The following DYSF variants were observed in gnomAD, a reference collection of about 807,000 sequenced individuals.
DYSF encodes dystrophy-associated fer-1-like 1.
In DYSF, 212 loss-of-function variants were observed where a neutral mutation model predicts 274.9. That is an observed-to-expected ratio of 0.77 (90% confidence interval 0.69 to 0.86). DYSF has a LOEUF of 0.86. DYSF is among the 40% of genes least tolerant of loss of function. The probability of loss-of-function intolerance (pLI) is 0.00; values close to 1 mark genes in which losing one functional copy is unlikely to be tolerated. For missense variants in DYSF, 2,666 were observed against 2,783.2 expected (o/e 0.96, Z 0.95); for synonymous variants, 1,091 against 1,078.7 (o/e 1.01, Z -0.22).
chr2:71,669,548 T>C, intron 50 of DYSF, 57 bp from the exon 51 acceptor site: 1 of 1,607,372 alleles, frequency 6.2e-7, no homozygotes, highest in East Asian at 2.2e-5. Context: ...GTTGACGATG[T>C]ATATACTGTG....
chr2:71,579,771 C>G (rs745379222), intron 30 of DYSF, among the ~76,000 whole-genome samples: 3 of 152,126 alleles, frequency 2.0e-5, no homozygotes. Flanking sequence ...AATTTGATTC[C>G]CCAATCAGAC....
intron 1 of DYSF, among the ~76,000 whole-genome samples, chr2:71,478,086 T>C (rs1258011888): frequency 6.6e-6 from 1 of 151,686 alleles, no homozygotes; most frequent in African/African-American, 2.4e-5. Context: ...TATGTTAATA[T>C]TTATTGGGCT....
At chr2:71,605,537 G>A (rs900019011) in intron 36 of DYSF, among the ~76,000 whole-genome samples, 6 of 152,138 alleles carry the variant, frequency 3.9e-5, no homozygotes, top group Admixed American at 2.6e-4. Context: ...GGTGGGGAGG[G>A]GAGGGGGTGT....
chr2:71,541,606 G>C (rs950294120), intron 17 of DYSF, among the ~76,000 whole-genome samples: 2 of 150,686 alleles, frequency 1.3e-5, no homozygotes, highest in African/African-American at 4.9e-5. Flanking sequence ...TGATTTTATT[G>C]TTTCCTTCTT....
rs149971174 is a variant in DYSF, at chr2:71,668,893, G to A, written c.5546+51G>A. ...AGCTGGGCTGAGGGGTGGGGGCGTT[G>A]CAGCCTGCTGTGGGCGGGACTAGGC... On this transcript the variant is annotated intron_variant, in intron 49 of 55. Transcript: ENST00000410020. 3.9e-5 allele frequency: 62 copies of A among 1,570,692 alleles called. No individual in the cohort carries two copies. The Middle Eastern group carries it at 1.2e-3, about 29-fold the overall frequency.
chr2:71,520,857 T>C lies in DYSF; in HGVS notation c.1102T>C (p.Tyr368His). The C allele has an allele frequency of 6.2e-7, 1 of 1,614,162 alleles. No individual in the cohort carries two copies. The highest frequency in any genetic ancestry group is 2.2e-5 in the East Asian group (1 of 44,868). Residue 368 changes from tyrosine to histidine, a missense_variant, in exon 12 of 56, where the codon TAC becomes CAC. Tyr to His is a moderately conservative substitution (Grantham distance 83). Around this residue, in one of 3 missense-constraint regions of DYSF, gnomAD observed 794 missense variants for 777.1 expected, o/e 1.02. Transcript: ENST00000410020. ...PDDFSAGARG[Y>H]LKTSLCVLGP... ...TGACTTCTCTGCTGGGGCCAGAGGC[T>C]ACCTGAAAACAAGCCTTTGTGTGCT... is the stretch of plus-strand genomic sequence containing the variant.
intron 30 of DYSF, among the ~76,000 whole-genome samples, 180 bp from the exon 31 acceptor site, chr2:71,589,413 T>C (rs2093181108): frequency 6.6e-6 from 1 of 152,164 alleles, no homozygotes; most frequent in Non-Finnish European, 1.5e-5. Context: ...TGCTTTGACA[T>C]TGGAGTCTGG....
At chr2:71,674,092 T>A in intron 51 of DYSF, 105 bp from the exon 52 acceptor site, 1 of 981,734 alleles carries the variant, frequency 1.0e-6, no homozygotes. Flanking sequence ...CTTGGGGACA[T>A]CCTACTCCTC....
rs114489135 is a variant in DYSF at position 71,624,459 on chromosome 2, A to G, written c.4527+3850A>G. On this transcript the variant is annotated intron_variant, in intron 41 of 55. Coordinates refer to ENST00000410020, the MANE Select transcript of DYSF (RefSeq NM_001130987.2). ...TATCGGGGTTATACTAGTCCCTTAA[A>G]AGGCTTTTCAGGTGTACTTCTACTT... is the stretch of plus-strand genomic sequence containing the variant. Among the ~76,000 whole-genome samples, 602 of 152,308 alleles carry G rather than the reference A, an allele frequency of 4.0e-3. 2 individuals carry two copies. The highest frequency in any genetic ancestry group is 0.014 in the African/African-American group (585 of 41,576).
intron 1 of DYSF, among the ~76,000 whole-genome samples, chr2:71,458,573 C>T (rs1006088007): frequency 1.3e-5 from 2 of 152,192 alleles, no homozygotes; most frequent in Non-Finnish European, 2.9e-5. Context: ...GGTACTTTCT[C>T]TTTCTGGGAA....
chr2:71,513,301 A>T lies in DYSF; in HGVS notation c.522A>T (p.Arg174Ser). The T allele has an allele frequency of 6.4e-7, 1 of 1,551,506 alleles. No homozygotes were observed. Among genetic ancestry groups the T allele is most frequent in the Non-Finnish European group, 8.7e-7 (1 of 1,146,926 alleles). ...TCAGTGACAGCACCATGGACACGAG[A>T]TACTCTGGAAAGAAGTGGCCGGCCC... is the stretch of plus-strand genomic sequence containing the variant. Reference protein sequence around the residue: ...SLLSDSTMDTRYSGKKWPAPT... With the variant: ...SLLSDSTMDTSYSGKKWPAPT... The change falls in exon 6 of 56, where the codon AGA becomes AGT. Residue 174 changes from arginine to serine, a missense_variant. By Grantham distance (110) the Arg-to-Ser change is moderately radical. Coordinates refer to ENST00000410020, the MANE Select transcript of DYSF (RefSeq NM_001130987.2).
chr2:71,535,434 G>C (rs2152761537), intron 16 of DYSF, 123 bp downstream of exon 16: 1 of 1,057,858 alleles, frequency 9.5e-7, no homozygotes, highest in Admixed American at 1.7e-5. Context: ...GTGAGGTAAT[G>C]TCCCCTTGGG....
chr2:71,516,603 T>G (rs1361995230), intron 9 of DYSF, among the ~76,000 whole-genome samples: 1 of 152,184 alleles, frequency 6.6e-6, no homozygotes, highest in East Asian at 1.9e-4. Context: ...TCCATCTTAT[T>G]TTGTTAATCC....
chr2:71,655,776 TTTAAAAAATGTACTGCCCATG>T (rs2094756345), intron 42 of DYSF, among the ~76,000 whole-genome samples: 2 of 152,246 alleles, frequency 1.3e-5, no homozygotes, highest in South Asian at 4.1e-4. Flanking sequence ...ATCTTGTTCT[TTTAAAAAATGTACTGCCCATG>T]TCTCTGATGA....
chr2:71,519,811 G>GTTTTTT (rs70959241), intron 10 of DYSF, among the ~76,000 whole-genome samples: 232 of 102,262 alleles, frequency 2.3e-3, no homozygotes, highest in Non-Finnish European at 2.9e-3. Context: ...CACCCGGCTA[G>GTTTTTT]TTTTTTTTTT....
chr2:71,470,249 C>G (rs923618387), intron 1 of DYSF, among the ~76,000 whole-genome samples: 7 of 152,112 alleles, frequency 4.6e-5, no homozygotes, highest in Non-Finnish European at 1.0e-4. Flanking sequence ...GTTGGGGGAT[C>G]TTATAGAACT....
rs112558977 is a variant in DYSF, at chr2:71,587,053, C to T, written c.3403-2540C>T. Among the ~76,000 whole-genome samples, 798 of 152,344 alleles carry T rather than the reference C, an allele frequency of 5.2e-3. 9 individuals carry two copies. The highest frequency in any genetic ancestry group is 0.018 in the African/African-American group (745 of 41,580). On this transcript the variant is annotated intron_variant, in intron 30 of 55. Transcript: ENST00000410020. The stretch of plus-strand genomic sequence containing the variant: ...CGGGCTGGCCAAGCCCTATTTCCAG[C>T]GTCCTAACCAGCTTTCCTTAGTGTC...
At chr2:71,514,717 A>G (rs1219794988) in intron 7 of DYSF, among the ~76,000 whole-genome samples, 1 of 152,200 alleles carries the variant, frequency 6.6e-6, no homozygotes. Flanking sequence ...AATTGCAAAA[A>G]TATATTTCTA....
intron 45 of DYSF, among the ~76,000 whole-genome samples, chr2:71,662,735 GTA>G (rs1440893568): frequency 6.8e-6 from 1 of 148,078 alleles, no homozygotes; most frequent in African/African-American, 2.5e-5. Flanking sequence ...ATGTGTATTT[GTA>G]TATGTGTGCG....
Sources: gnomAD v4.1 joint callset for allele counts (sites outside exome capture counted in the v4.1 genomes callset) on GRCh38, gnomAD v4.1.1 for gene constraint, gnomAD v4.1.1 regional missense constraint, MANE v1.5 for transcripts, NCBI Gene and HGNC (gene_info 2026-07-23, HGNC 2026-07-21) for gene names.